Variants in LITAF observed in about 807,000 individuals in gnomAD.
The protein encoded by LITAF is lipopolysaccharide-induced tumor necrosis factor-alpha factor.
A neutral mutation model predicts 14.5 loss-of-function variants in LITAF; 9 were observed. The ratio of observed to expected loss-of-function variants is 0.62; its 90% CI spans 0.37 to 1.08. LITAF has a LOEUF of 1.08. LITAF is among the 50% of genes least tolerant of loss of function. LITAF has a pLI of 0.01. For synonymous variants in LITAF, 98 were observed against 88.2 expected (o/e 1.11, Z -0.62); for missense variants, 206 against 213.4 (o/e 0.97, Z 0.22).
At chr16:11,640,252 G>A (rs551252817), upstream of LITAF, among the ~76,000 whole-genome samples, 1 of 152,316 alleles carries the variant, frequency 6.6e-6, no homozygotes, top group African/African-American at 2.4e-5. Context: ...GAGTGTGTAA[G>A]TCAGTGAATG....
At chr16:11,555,586 G>A (rs1173497717) in intron 2 of LITAF, among the ~76,000 whole-genome samples, 2 of 151,372 alleles carry the variant, frequency 1.3e-5, no homozygotes, top group African/African-American at 2.4e-5. Flanking sequence ...TTGAGCCCAG[G>A]AGGTCCAGGC....
intron 1 of LITAF, among the ~76,000 whole-genome samples, chr16:11,580,775 T>C (rs184379021): frequency 4.3e-4 from 65 of 149,888 alleles, no homozygotes; most frequent in South Asian, 1.3e-3. Flanking sequence ...CCTTTTTCTT[T>C]TTTATTTTGA....
chr16:11,630,224 C>T (rs1469209749), intron 3 of LITAF, among the ~76,000 whole-genome samples: 1 of 152,148 alleles, frequency 6.6e-6, no homozygotes, highest in Non-Finnish European at 1.5e-5. Flanking sequence ...GCCTCAGCCC[C>T]TATGGATGGA....
At chr16:11,595,724 G>A (rs867902830) in intron 1 of LITAF, among the ~76,000 whole-genome samples, 15 of 152,026 alleles carry the variant, frequency 9.9e-5, no homozygotes, top group African/African-American at 3.1e-4. Flanking sequence ...GTGAGACTCC[G>A]TCTCAAAAAA....
chr16:11,625,619 A>T (rs2065078974), intron 3 of LITAF, among the ~76,000 whole-genome samples: 2 of 152,132 alleles, frequency 1.3e-5, no homozygotes, highest in Non-Finnish European at 2.9e-5. Flanking sequence ...TGGGGGAACC[A>T]AGTCTAAGAC....
At chr16:11,587,427 CAA>C (rs2141845108), upstream of LITAF, 1 of 454,026 alleles carries the variant, frequency 2.2e-6, no homozygotes, top group East Asian at 6.9e-5. Flanking sequence ...CCGGACAGAC[CAA>C]GACACTCTCT....
chr16:11,640,088 G>A (rs948551718), upstream of LITAF, among the ~76,000 whole-genome samples: 4 of 152,182 alleles, frequency 2.6e-5, no homozygotes, highest in Admixed American at 2.6e-4. Context: ...ATGTGTCGAT[G>A]TGGATAACCT....
At chr16:11,617,461 C>T (rs1041230099) in intron 3 of LITAF, among the ~76,000 whole-genome samples, 12 of 133,970 alleles carry the variant, frequency 9.0e-5, no homozygotes, top group Admixed American at 2.5e-4. Context: ...GAGTCGGAGC[C>T]TTGCTCTGTT....
In LITAF at chr16:11,548,818, T is replaced by C. The variant is rs1315810370; in HGVS notation, c.*819A>G. 1 of 453,020 alleles carries C rather than the reference T, an allele frequency of 2.2e-6. No homozygotes were observed. The highest frequency in any genetic ancestry group is 4.4e-6 in the Non-Finnish European group (1 of 226,590). 28.1% of individuals were successfully genotyped at this position (453,020 alleles called of 1,614,324 possible). A position where few individuals can be genotyped will look rare whatever the true frequency, so the allele number is the denominator to read the frequency against. Reference sequence around the variant, plus strand: ...TAGTAAGACCCCATCTCTGTTTTTTTTTAAAAAAAAGAAATTCTGTTCAAA... The same window carrying C: ...TAGTAAGACCCCATCTCTGTTTTTTCTTAAAAAAAAGAAATTCTGTTCAAA... On this transcript the variant is annotated 3_prime_UTR_variant, in exon 4 of 4. Coordinates refer to ENST00000622633, the MANE Select transcript of LITAF (RefSeq NM_001136472.2).
intron 1 of LITAF, among the ~76,000 whole-genome samples, chr16:11,596,225 GGGCCTTTCCAGCCTGCCC>G (rs1249132200): frequency 1.3e-5 from 2 of 152,050 alleles, no homozygotes; most frequent in African/African-American, 4.8e-5. Context: ...ATAGCAGGTG[GGGCCTTTCCAGCCTGCCC>G]AGAGTGAGGC....
chr16:11,616,914 A>G (rs2065022820), intron 3 of LITAF, among the ~76,000 whole-genome samples: 1 of 150,040 alleles, frequency 6.7e-6, no homozygotes, highest in Non-Finnish European at 1.5e-5. Context: ...TCTATCTCAA[A>G]AAAAAAAAAA....
At chr16:11,559,223 T>C (rs952329215) in intron 1 of LITAF, among the ~76,000 whole-genome samples, 1 of 152,210 alleles carries the variant, frequency 6.6e-6, no homozygotes, top group African/African-American at 2.4e-5. Flanking sequence ...GCCACTGCAC[T>C]CTAGCCTGGG....
intron 3 of LITAF, among the ~76,000 whole-genome samples, chr16:11,608,465 T>G (rs906593675): frequency 7.9e-5 from 12 of 152,012 alleles, no homozygotes; most frequent in African/African-American, 2.7e-4. Flanking sequence ...CCACAAGAAT[T>G]GAAAACCTAA....
At chr16:11,555,658 C>CAA (rs5815645) in intron 2 of LITAF, among the ~76,000 whole-genome samples, 2 of 121,996 alleles carry the variant, frequency 1.6e-5, no homozygotes, top group South Asian at 2.5e-4. Flanking sequence ...GACCCTGTCT[C>CAA]AAAAAAAAAA....
intron 2 of LITAF, among the ~76,000 whole-genome samples, chr16:11,554,595 C>T (rs1309027137): frequency 6.6e-6 from 1 of 151,986 alleles, no homozygotes; most frequent in Admixed American, 6.6e-5. Flanking sequence ...GAGTTCAAGA[C>T]CAGCCTGGCC....
intron 1 of LITAF, among the ~76,000 whole-genome samples, chr16:11,567,330 G>A (rs1205300215): frequency 6.6e-6 from 1 of 151,872 alleles, no homozygotes; most frequent in Non-Finnish European, 1.5e-5. Flanking sequence ...TGAGGCAGGA[G>A]AATTGCTTGA....
chr16:11,562,448 G>A (rs1426851239), intron 1 of LITAF, among the ~76,000 whole-genome samples: 1 of 151,980 alleles, frequency 6.6e-6, no homozygotes, highest in Admixed American at 6.6e-5. Context: ...TGACAGAAAA[G>A]GAAAAGGAGG....
intron 1 of LITAF, among the ~76,000 whole-genome samples, chr16:11,559,288 G>A (rs2064320980): frequency 6.6e-6 from 1 of 152,098 alleles, no homozygotes; most frequent in Non-Finnish European, 1.5e-5. Flanking sequence ...TAGTGTGAGT[G>A]AAGAACTGAA....
chr16:11,595,419 G>A (rs1440807734), intron 1 of LITAF, among the ~76,000 whole-genome samples: 1 of 152,154 alleles, frequency 6.6e-6, no homozygotes, highest in African/African-American at 2.4e-5. Context: ...GAGTGTTACT[G>A]GATCTAGCAC....
Sources: gnomAD v4.1 joint callset for allele counts (sites outside exome capture counted in the v4.1 genomes callset) on GRCh38, gnomAD v4.1.1 for gene constraint, MANE v1.5 for transcripts, NCBI Gene and HGNC (gene_info 2026-07-23, HGNC 2026-07-21) for gene names.